Variants in RBMS3 observed in about 807,000 individuals in gnomAD.
RBMS3 encodes the protein RNA binding motif single stranded interacting protein 3.
RBMS3 carries 27 observed loss-of-function variants against 66.8 expected under a neutral mutation model. That is an observed-to-expected ratio of 0.40 (90% CI 0.30 to 0.56). The LOEUF is 0.56. RBMS3 is among the 20% of genes least tolerant of loss of function. RBMS3 has a pLI of 0.40. For missense variants in RBMS3, 513 were observed against 549.5 expected (o/e 0.93, Z 0.66); for synonymous variants, 188 against 183.0 (o/e 1.03, Z -0.22).
At chr3:29,754,741 G>T (rs2055331109) in intron 5 of RBMS3, among the ~76,000 whole-genome samples, 1 of 152,106 alleles carries the variant, frequency 6.6e-6, no homozygotes, top group Non-Finnish European at 1.5e-5. Flanking sequence ...GTTACAAGTG[G>T]GTCTTTAAAG....
chr3:29,469,563 A>G lies in RBMS3; in HGVS notation c.249-18878A>G, dbSNP rs141514319. ...AATTGCAGTCTCTTACACCATCATG[A>G]TTGAATTCATGATTAAAAATGTTAA... On this transcript the variant is annotated intron_variant, in intron 2 of 14. Transcript: ENST00000383767. 4.9e-3 allele frequency among the ~76,000 whole-genome samples: 740 copies of G among 151,870 alleles called. 6 individuals carry two copies. The highest frequency in any genetic ancestry group is 0.017 in the African/African-American group (712 of 41,482).
At chr3:29,403,411 T>C (rs1431013537) in intron 1 of RBMS3, among the ~76,000 whole-genome samples, 1 of 152,022 alleles carries the variant, frequency 6.6e-6, no homozygotes, top group African/African-American at 2.4e-5. Context: ...TATTGTGGAG[T>C]GTACAAACCA....
At chr3:29,462,767 G>C (rs1027428616) in intron 2 of RBMS3, among the ~76,000 whole-genome samples, 4 of 152,178 alleles carry the variant, frequency 2.6e-5, no homozygotes, top group South Asian at 2.1e-4. Context: ...CAGAGGGATG[G>C]AGTTTGTAAA....
intron 6 of RBMS3, among the ~76,000 whole-genome samples, chr3:29,790,854 T>C (rs1247460101): frequency 6.6e-6 from 1 of 152,252 alleles, no homozygotes; most frequent in Non-Finnish European, 1.5e-5. Flanking sequence ...GTTAGCATGA[T>C]CTTTAAAATA....
At chr3:29,613,883 G>C (rs1190918759) in intron 4 of RBMS3, among the ~76,000 whole-genome samples, 1 of 152,064 alleles carries the variant, frequency 6.6e-6, no homozygotes, top group East Asian at 1.9e-4. Flanking sequence ...TGGTAGAAAA[G>C]TAAATTAGTA....
chr3:29,593,516 G>A (rs183525580), intron 4 of RBMS3, among the ~76,000 whole-genome samples: 18 of 147,592 alleles, frequency 1.2e-4, no homozygotes, highest in Non-Finnish European at 1.6e-4. Context: ...CTGAGACTGG[G>A]TGGGAAACAA....
intron 2 of RBMS3, among the ~76,000 whole-genome samples, chr3:29,452,821 A>G (rs28538232): frequency 0.042 from 6,436 of 152,268 alleles, 269 homozygotes; most frequent in East Asian, 0.25. Flanking sequence ...GAATTTTATA[A>G]TAAACAGAAT....
At chr3:29,552,442 A>C (rs2046208638) in intron 3 of RBMS3, among the ~76,000 whole-genome samples, 1 of 152,098 alleles carries the variant, frequency 6.6e-6, no homozygotes. Flanking sequence ...CCGCAGCCTG[A>C]CTCTGAAAAT....
intron 6 of RBMS3, among the ~76,000 whole-genome samples, chr3:29,815,826 T>C (rs568934281): frequency 1.5e-4 from 23 of 151,196 alleles, no homozygotes; most frequent in African/African-American, 5.6e-4. Context: ...AGACTACACA[T>C]TGGGTATAGT....
At chr3:29,403,029 C>G (rs1203785796) in intron 1 of RBMS3, among the ~76,000 whole-genome samples, 1 of 151,670 alleles carries the variant, frequency 6.6e-6, no homozygotes, top group Admixed American at 6.6e-5. Flanking sequence ...ATAAGACGAT[C>G]ATAGAATGAT....
intron 2 of RBMS3, among the ~76,000 whole-genome samples, chr3:29,445,509 T>G (rs1364123877): frequency 6.6e-6 from 1 of 152,100 alleles, no homozygotes; most frequent in Non-Finnish European, 1.5e-5. Flanking sequence ...TATGTCTAAT[T>G]TAAGTAAGTT....
chr3:29,666,869 A>G (rs2050786529), intron 4 of RBMS3, among the ~76,000 whole-genome samples: 1 of 152,132 alleles, frequency 6.6e-6, no homozygotes, highest in Non-Finnish European at 1.5e-5. Flanking sequence ...GTAGCCTTCA[A>G]TTTGTTAGCT....
intron 6 of RBMS3, among the ~76,000 whole-genome samples, chr3:29,866,768 T>C (rs1371370300): frequency 1.3e-5 from 2 of 152,174 alleles, no homozygotes; most frequent in African/African-American, 2.4e-5. Flanking sequence ...ACTTCTAACA[T>C]AAAGGCAGTG....
At chr3:29,286,752 T>C (rs1173498439) in intron 1 of RBMS3, among the ~76,000 whole-genome samples, 1 of 152,116 alleles carries the variant, frequency 6.6e-6, no homozygotes, top group African/African-American at 2.4e-5. Flanking sequence ...CACAACCTTT[T>C]TGACATTATC....
At chr3:29,578,731 A>G (rs928689537) in intron 3 of RBMS3, among the ~76,000 whole-genome samples, 2 of 150,790 alleles carry the variant, frequency 1.3e-5, no homozygotes, top group African/African-American at 4.9e-5. Flanking sequence ...AAGTTGGCGG[A>G]GGGAATATAC....
At chr3:29,473,786 G>C (rs954354679) in intron 2 of RBMS3, among the ~76,000 whole-genome samples, 2 of 152,216 alleles carry the variant, frequency 1.3e-5, no homozygotes, top group African/African-American at 2.4e-5. Flanking sequence ...GGGCCGGCCA[G>C]CCCCTCCAAG....
chr3:29,968,210 A>G (rs1487298473), intron 12 of RBMS3, among the ~76,000 whole-genome samples: 1 of 152,074 alleles, frequency 6.6e-6, no homozygotes, highest in Non-Finnish European at 1.5e-5. Flanking sequence ...TGCCCCCGTA[A>G]CAGTCTGTTT....
At chr3:29,567,419 C>T (rs181867052) in intron 3 of RBMS3, among the ~76,000 whole-genome samples, 291 of 152,228 alleles carry the variant, frequency 1.9e-3, no homozygotes, top group Non-Finnish European at 2.9e-3. Flanking sequence ...TGCTTACTTA[C>T]TGATTTAATG....
At chr3:29,892,462 C>T (rs952289678) in intron 8 of RBMS3, among the ~76,000 whole-genome samples, 5 of 151,336 alleles carry the variant, frequency 3.3e-5, no homozygotes, top group Non-Finnish European at 7.4e-5. Context: ...GCCGGTAGCT[C>T]CCCCCTCTCC....
Sources: gnomAD v4.1 joint callset for allele counts (sites outside exome capture counted in the v4.1 genomes callset) on GRCh38, gnomAD v4.1.1 for gene constraint, MANE v1.5 for transcripts, NCBI Gene and HGNC (gene_info 2026-07-23, HGNC 2026-07-21) for gene names.